ASB15: variants seen among roughly 807,000 people sequenced by gnomAD.
ASB15 encodes ankyrin repeat and SOCS box protein 15.
A neutral mutation model predicts 58.0 loss-of-function variants in ASB15; 54 were observed. The observed-to-expected ratio is 0.93, with a 90% CI of 0.75 to 1.17. The LOEUF is 1.17. ASB15 is among the 50% of genes most tolerant of loss of function. The probability of loss-of-function intolerance (pLI) is 0.00; values close to 1 mark genes in which losing one functional copy is unlikely to be tolerated. For synonymous variants in ASB15, 249 were observed against 262.4 expected (o/e 0.95, Z 0.50); for missense variants, 680 against 707.4 (o/e 0.96, Z 0.44).
chr7:123,605,313 G>T (rs896724428), intron 2 of ASB15, among the ~76,000 whole-genome samples: 3 of 152,136 alleles, frequency 2.0e-5, no homozygotes, highest in Non-Finnish European at 4.4e-5. Flanking sequence ...ACACCAGTCA[G>T]AATGGCTACT....
At chr7:123,618,795 A>G (rs1158915811) in intron 7 of ASB15, among the ~76,000 whole-genome samples, 1 of 152,222 alleles carries the variant, frequency 6.6e-6, no homozygotes, top group Non-Finnish European at 1.5e-5. Flanking sequence ...GAATATTGTT[A>G]AGCAAACTTG....
intron 11 of ASB15, among the ~76,000 whole-genome samples, chr7:123,631,135 G>A (rs1156505643): frequency 6.6e-6 from 1 of 152,118 alleles, no homozygotes; most frequent in Non-Finnish European, 1.5e-5. Context: ...AGTGGAGGAG[G>A]ATTTTTTTAT....
intron 1 of ASB15, among the ~76,000 whole-genome samples, chr7:123,577,498 T>TA (rs1201303134): frequency 6.6e-6 from 1 of 152,212 alleles, no homozygotes; most frequent in Non-Finnish European, 1.5e-5. Context: ...CTTCAGTTTT[T>TA]ATTCAGATCG....
chr7:123,619,612 C>T (rs1206877037), intron 7 of ASB15, among the ~76,000 whole-genome samples: 2 of 152,144 alleles, frequency 1.3e-5, no homozygotes, highest in Admixed American at 1.3e-4. Flanking sequence ...CAAGCTCTGC[C>T]TCCCGGGTTC....
intron 7 of ASB15, among the ~76,000 whole-genome samples, chr7:123,619,539 T>C (rs987786438): frequency 2.0e-5 from 3 of 152,200 alleles, no homozygotes; most frequent in Admixed American, 6.5e-5. Flanking sequence ...TACTCTTTTT[T>C]TTGAGGCAGA....
intron 7 of ASB15, among the ~76,000 whole-genome samples, chr7:123,618,921 A>G (rs1801017989): frequency 1.3e-5 from 2 of 152,092 alleles, no homozygotes; most frequent in Admixed American, 1.3e-4. Flanking sequence ...CATGCCTGTA[A>G]TCCCAGCACT....
upstream of ASB15, among the ~76,000 whole-genome samples, chr7:123,599,136 A>C (rs1379515977): frequency 6.6e-6 from 1 of 152,204 alleles, no homozygotes; most frequent in African/African-American, 2.4e-5. Context: ...AGAAAGAAGG[A>C]GAAAAAGGAG....
intron 1 of ASB15, among the ~76,000 whole-genome samples, chr7:123,576,590 C>T (rs1241110252): frequency 6.6e-6 from 1 of 152,142 alleles, no homozygotes; most frequent in African/African-American, 2.4e-5. Context: ...TGTCACTCAT[C>T]TATGGGATTC....
intron 1 of ASB15, among the ~76,000 whole-genome samples, chr7:123,590,001 T>C (rs1423265427): frequency 6.6e-6 from 1 of 152,212 alleles, no homozygotes; most frequent in African/African-American, 2.4e-5. Context: ...GAATTTTTAA[T>C]GATTGTCATT....
In ASB15 at chr7:123,624,750, C is replaced by T. The variant is rs11769381; in HGVS notation, c.633C>T (p.Val211=). 729,193 of 1,613,592 alleles carry T rather than the reference C, an allele frequency of 0.45. 167,721 individuals carry two copies. The highest frequency in any genetic ancestry group is 0.64 in the South Asian group (58,037 of 91,072). The change falls in exon 8 of 12, where the codon GTC becomes GTT. Residue 211 remains valine (V), a synonymous_variant. Transcript: ENST00000451215. ...GNVHLRDGFG[V]TPLGVAAEYG... Reference sequence around the variant, plus strand: ...TCCACCTGAGAGATGGATTTGGAGTCACACCACTAGGCGTCGCTGCCGAGT... The same window carrying T: ...TCCACCTGAGAGATGGATTTGGAGTTACACCACTAGGCGTCGCTGCCGAGT...
At chr7:123,572,131 C>CT (rs61198371) in intron 1 of ASB15, among the ~76,000 whole-genome samples, 2,376 of 48,170 alleles carry the variant, frequency 0.049, 511 homozygotes, top group African/African-American at 0.074. Flanking sequence ...TGTAGAATTT[C>CT]TTTTTTTTTT....
At chr7:123,613,044 C>T (rs1372378836) in intron 3 of ASB15, among the ~76,000 whole-genome samples, 3 of 151,912 alleles carry the variant, frequency 2.0e-5, no homozygotes, top group African/African-American at 7.3e-5. Flanking sequence ...TGGTGACTAT[C>T]TCGTGTGTGG....
Position 123,636,243 on chromosome 7 carries a change from T to C in ASB15, c.1595-566T>C, listed in dbSNP as rs368229624. Reference sequence around the variant, plus strand: ...ATATTGCTGCTATAAAATCTCAATCTTGCAATTATAATATAGATAAAGTAA... The same window carrying C: ...ATATTGCTGCTATAAAATCTCAATCCTGCAATTATAATATAGATAAAGTAA... On this transcript the variant is annotated intron_variant, in intron 11 of 11. Transcript: ENST00000451215. 1.2e-3 allele frequency among the ~76,000 whole-genome samples: 178 copies of C among 152,278 alleles called. 6 individuals are homozygous for C. In the South Asian group the frequency reaches 0.035, roughly 30 times the overall value.
chr7:123,569,430 A>G (rs1297683907), intron 1 of ASB15, among the ~76,000 whole-genome samples: 1 of 152,212 alleles, frequency 6.6e-6, no homozygotes, highest in Admixed American at 6.5e-5. Context: ...AATATTTAAA[A>G]AGTCATTACT....
chr7:123,610,615 G>T (rs929024946), intron 3 of ASB15, among the ~76,000 whole-genome samples: 1 of 152,114 alleles, frequency 6.6e-6, no homozygotes, highest in African/African-American at 2.4e-5. Context: ...CCCTAAAATC[G>T]CATGCAAAAT....
At chr7:123,598,601 C>A (rs1353388349), upstream of ASB15, among the ~76,000 whole-genome samples, 4 of 152,134 alleles carry the variant, frequency 2.6e-5, no homozygotes, top group Non-Finnish European at 5.9e-5. Flanking sequence ...TAACTGCGAA[C>A]CCATTTGAAC....
At chr7:123,576,502 A>T (rs936845079) in intron 1 of ASB15, among the ~76,000 whole-genome samples, 2 of 152,026 alleles carry the variant, frequency 1.3e-5, no homozygotes, top group African/African-American at 4.8e-5. Context: ...TTTCATGTTT[A>T]TTTCTCACTT....
At chr7:123,624,174 G>A (rs746588578) in intron 7 of ASB15, among the ~76,000 whole-genome samples, 5 of 152,130 alleles carry the variant, frequency 3.3e-5, no homozygotes, top group African/African-American at 9.7e-5. Flanking sequence ...CTGAGCTCCT[G>A]TTATGTACTA....
rs184260455 is a variant in ASB15, at chr7:123,582,083, T to C, written c.-443+14995T>C. ...ATCTATATTGTAATGGTAAAATATCTGCAAAACAAGGAAAGGGAGGAGAAA... is the reference window on the plus strand; with the variant it reads ...ATCTATATTGTAATGGTAAAATATCCGCAAAACAAGGAAAGGGAGGAGAAA... On this transcript the variant is annotated intron_variant, in intron 1 of 13. Transcript: ENST00000451558. Among the ~76,000 whole-genome samples the C allele has an allele frequency of 9.5e-3, 1,449 of 152,102 alleles. 15 individuals are homozygous for C. The highest frequency in any genetic ancestry group is 0.033 in the South Asian group (159 of 4,830).
Sources: gnomAD v4.1 joint callset for allele counts (sites outside exome capture counted in the v4.1 genomes callset) on GRCh38, gnomAD v4.1.1 for gene constraint, MANE v1.5 for transcripts, NCBI Gene and HGNC (gene_info 2026-07-23, HGNC 2026-07-21) for gene names.